The following G3BP1 variants were observed in gnomAD, a reference collection of about 807,000 sequenced individuals.
The protein encoded by G3BP1 is G3BP stress granule assembly factor 1, also known as ras GTPase-activating protein-binding protein 1.
In G3BP1, 35 loss-of-function variants were observed where a neutral mutation model predicts 58.6. That is an observed-to-expected ratio of 0.60 (90% CI 0.46 to 0.79). The LOEUF is 0.79. Among genes scored for constraint, G3BP1 ranks in the 30% least tolerant of loss-of-function variants. G3BP1 has a pLI of 0.00. For synonymous variants in G3BP1, 191 were observed against 195.4 expected (o/e 0.98, Z 0.19); for missense variants, 523 against 580.8 (o/e 0.90, Z 1.02).
chr5:151,772,358 C>T (rs1418964294), intron 1 of G3BP1: 1 of 152,176 alleles, frequency 6.6e-6, no homozygotes, highest in East Asian at 1.9e-4. Context: ...GTCCCGCGCC[C>T]AGCGTTTCCC....
In G3BP1 at chr5:151,797,218, C is replaced by G. The variant is rs372660014; in HGVS notation, c.540-9C>G. On this transcript the variant is annotated splice_polypyrimidine_tract_variant and intron_variant, in intron 6 of 11. Transcript: ENST00000356245. ...GCAGAATGATATTTCTCAAATTTTC[C>G]TGTCAAAGTAATGACATGGAAGAAC... 3.7e-4 allele frequency: 602 copies of G among 1,611,886 alleles called. 5 individuals are homozygous for G. In the South Asian group the frequency reaches 5.9e-3, roughly 16 times the overall value.
At chr5:151,794,387 G>T in intron 5 of G3BP1, 138 bp downstream of exon 5, 1 of 600,986 alleles carries the variant, frequency 1.7e-6, no homozygotes, top group Non-Finnish European at 3.0e-6. Context: ...TATATGAAGA[G>T]TCTGAGGTTT....
At chr5:151,786,503 A>G in intron 1 of G3BP1, 69 bp from the exon 2 acceptor site, 1 of 705,880 alleles carries the variant, frequency 1.4e-6, no homozygotes, top group East Asian at 2.5e-5. Flanking sequence ...CGACTTGCTG[A>G]AATGATCTTG....
intron 11 of G3BP1, 21 bp downstream of exon 11, chr5:151,800,890 A>ATTT: frequency 5.5e-5 from 46 of 836,378 alleles, no homozygotes; most frequent in South Asian, 6.6e-5. Context: ...TTTTGTCTTG[A>ATTT]TTTTTTTTTT....
At chr5:151,796,298 T>G (rs1192552633) in intron 6 of G3BP1, among the ~76,000 whole-genome samples, 2 of 152,226 alleles carry the variant, frequency 1.3e-5, no homozygotes, top group Non-Finnish European at 2.9e-5. Context: ...AGACAGAGTC[T>G]TGCTCTGTTA....
chr5:151,772,636 C>A (rs1017376417), intron 1 of G3BP1: 1 of 152,390 alleles, frequency 6.6e-6, no homozygotes, highest in Non-Finnish European at 1.5e-5. Context: ...CACTTTTCTG[C>A]CTTTCATTTG....
chr5:151,794,702 G>T (rs1269609504), intron 5 of G3BP1, among the ~76,000 whole-genome samples: 1 of 152,232 alleles, frequency 6.6e-6, no homozygotes, highest in Non-Finnish European at 1.5e-5. Flanking sequence ...GTTCTTGAAA[G>T]ACAGTCTAGA....
rs184964782 is a variant in G3BP1, at chr5:151,788,342, G to T, written c.95+1627G>T. Reference sequence around the variant, plus strand: ...ATACACTCAGAGGGGTTAAAAATTTGCAGGTACATATGCACATGACTATTA... The same window carrying T: ...ATACACTCAGAGGGGTTAAAAATTTTCAGGTACATATGCACATGACTATTA... On this transcript the variant is annotated intron_variant, in intron 2 of 11. Transcript: ENST00000356245. 9.8e-3 allele frequency among the ~76,000 whole-genome samples: 1,495 copies of T among 152,140 alleles called. 28 individuals carry two copies. The highest frequency in any genetic ancestry group is 0.034 in the African/African-American group (1,421 of 41,502).
chr5:151,804,429 G>A lies in G3BP1; in HGVS notation c.*338G>A, dbSNP rs570983923. 1.0e-5 allele frequency: 2 copies of A among 193,518 alleles called. No homozygotes were observed. Among genetic ancestry groups the A allele is most frequent in the South Asian group, 3.9e-4 (2 of 5,110 alleles). 12.0% of individuals were successfully genotyped at this position (193,518 alleles called of 1,614,324 possible). The stretch of plus-strand genomic sequence containing the variant: ...AGCCATTTCCCCAAAGGAATGTCTT[G>A]CATATTACTGACATTTGGTATGTTT... On this transcript the variant is annotated 3_prime_UTR_variant, in exon 12 of 12. Transcript: ENST00000356245.
At chr5:151,784,066 T>A (rs1027929437) in intron 1 of G3BP1, among the ~76,000 whole-genome samples, 2 of 152,144 alleles carry the variant, frequency 1.3e-5, no homozygotes. Context: ...CTGGCCAACA[T>A]TTTTTAATTT....
rs372730901 is a variant in G3BP1 at position 151,790,277 on chromosome 5, T to C, written c.96-46T>C. The C allele has an allele frequency of 7.7e-6, 8 of 1,042,986 alleles. No homozygotes were observed. The African/African-American group carries it at 1.3e-4, about 17-fold the overall frequency. The allele number at this position is 1,042,986 out of a possible 1,614,324, so 64.6% of individuals were successfully genotyped here. A position where few individuals can be genotyped will look rare whatever the true frequency, so the allele number is the denominator to read the frequency against. ...CCAGTATCAGACGTGAAAAATAAAC[T>C]TAAGATACTTGAAGATGACAAGTAA... is the stretch of plus-strand genomic sequence containing the variant. On this transcript the variant is annotated intron_variant, in intron 2 of 11. Coordinates refer to ENST00000356245, the MANE Select transcript of G3BP1 (RefSeq NM_005754.3).
rs1025578010 is a variant in G3BP1, at chr5:151,808,425, G to C, written c.*4334G>C. The C allele has an allele frequency of 4.6e-5, 7 of 152,162 alleles. No individual in the cohort carries two copies. Among genetic ancestry groups the C allele is most frequent in the African/African-American group, 1.7e-4 (7 of 41,442 alleles). 9.4% of individuals were successfully genotyped at this position (152,162 alleles called of 1,614,324 possible). On this transcript the variant is annotated 3_prime_UTR_variant, in exon 12 of 12. Transcript: ENST00000356245. ...TACCTAAAACCCTTAACCAGTTTTG[G>C]TTTTTGATTATGCATATGTGTTGGC...
chr5:151,791,024 T>G lies in G3BP1; in HGVS notation c.313T>G (p.Leu105Val). 2 of 1,613,916 alleles carry G rather than the reference T, an allele frequency of 1.2e-6. No homozygotes were observed. The highest frequency in any genetic ancestry group is 8.5e-7 in the Non-Finnish European group (1 of 1,179,866). Residue 105 changes from leucine to valine, a missense_variant, in exon 4 of 12, where the codon TTG becomes GTG. By Grantham distance (32) the Leu-to-Val change is conservative (BLOSUM62 1). Transcript: ENST00000356245. ...GCTTCTCTCTAACAACAACCAGGCT[T>G]TGAGGAGATTCATGCAAACGTTTGT... ...MGLLSNNNQA[L>V]RRFMQTFVLA...
intron 6 of G3BP1, among the ~76,000 whole-genome samples, chr5:151,796,201 T>C (rs1762745653): frequency 6.6e-6 from 1 of 152,154 alleles, no homozygotes; most frequent in African/African-American, 2.4e-5. Flanking sequence ...TGGTTGAAAA[T>C]GAAGATTCAT....
chr5:151,793,508 G>T (rs1762696131), intron 4 of G3BP1, among the ~76,000 whole-genome samples: 1 of 152,172 alleles, frequency 6.6e-6, no homozygotes, highest in South Asian at 2.1e-4. Flanking sequence ...GTGAGGTAAA[G>T]TGTTCTGAGC....
chr5:151,777,452 G>A (rs1405855852), intron 1 of G3BP1, among the ~76,000 whole-genome samples: 1 of 151,588 alleles, frequency 6.6e-6, no homozygotes, highest in Non-Finnish European at 1.5e-5. Flanking sequence ...TTTTCTATAC[G>A]GGCTTCCATT....
At chr5:151,786,751 C>G (rs1372270337) in intron 2 of G3BP1, 36 bp downstream of exon 2, 1 of 1,184,228 alleles carries the variant, frequency 8.4e-7, no homozygotes, top group Admixed American at 1.7e-5. Flanking sequence ...CTAATGCTGT[C>G]TTTTAGTATG....
At chr5:151,793,736 A>G (rs561444124) in intron 4 of G3BP1, among the ~76,000 whole-genome samples, 17 of 151,298 alleles carry the variant, frequency 1.1e-4, no homozygotes, top group African/African-American at 4.1e-4. Context: ...GCTCATACCC[A>G]TAATTCAGAA....
intron 2 of G3BP1, 93 bp from the exon 3 acceptor site, chr5:151,790,230 C>CA (rs372889235): frequency 0.041 from 17,276 of 423,284 alleles, 19 homozygotes; most frequent in African/African-American, 0.063. Flanking sequence ...GACCCCGTTG[C>CA]AAAAAAAAAA....
Sources: allele counts gnomAD v4.1 joint callset (sites outside exome capture counted in the v4.1 genomes callset), GRCh38; gene constraint gnomAD v4.1.1; transcripts MANE v1.5; gene names NCBI Gene and HGNC (gene_info 2026-07-23, HGNC 2026-07-21).